ELF2: variants seen among roughly 807,000 people sequenced by gnomAD.
ELF2 encodes ETS-related transcription factor Elf-2.
Under a neutral mutation model 54.8 loss-of-function variants are expected in ELF2, and 11 were observed. The ratio of observed to expected loss-of-function variants is 0.20; its 90% CI spans 0.13 to 0.33. The LOEUF (loss-of-function observed/expected upper bound fraction) is 0.33, where lower values mean the gene tolerates loss of function less well. ELF2 is among the 10% of genes least tolerant of loss of function. The pLI, the probability that ELF2 is intolerant of heterozygous loss-of-function variation, is 1.00. For synonymous variants in ELF2, 203 were observed against 245.1 expected (o/e 0.83, Z 1.61); for missense variants, 513 against 703.0 (o/e 0.73, Z 3.06).
intron 4 of ELF2, among the ~76,000 whole-genome samples, chr4:139,111,647 G>A (rs1734959577): frequency 6.6e-6 from 1 of 152,104 alleles, no homozygotes; most frequent in Admixed American, 6.5e-5. Flanking sequence ...GTCTCGCCCA[G>A]GTCCTGGAAA....
intron 1 of ELF2, among the ~76,000 whole-genome samples, chr4:139,162,257 G>A (rs971019752): frequency 2.0e-5 from 3 of 151,272 alleles, no homozygotes; most frequent in Non-Finnish European, 2.9e-5. Context: ...GGTGGCTCAC[G>A]CCTGAAATCC....
chr4:139,172,322 T>C (rs1042062338), intron 1 of ELF2, among the ~76,000 whole-genome samples: 3 of 152,354 alleles, frequency 2.0e-5, no homozygotes, highest in Middle Eastern at 3.4e-3. Context: ...CTGAAAATGA[T>C]AAATGGAAAA....
intron 4 of ELF2, among the ~76,000 whole-genome samples, chr4:139,091,094 C>A (rs1422231447): frequency 6.6e-6 from 1 of 152,030 alleles, no homozygotes; most frequent in Non-Finnish European, 1.5e-5. Flanking sequence ...CCACCATGCC[C>A]GGCTAATTTT....
At chr4:139,115,252 G>A (rs1359298659) in intron 4 of ELF2, 2 of 1,608,640 alleles carry the variant, frequency 1.2e-6, no homozygotes, top group Admixed American at 3.4e-5. Flanking sequence ...CGCGCCGCCC[G>A]GGCCCTCTCC....
chr4:139,083,363 C>T (rs1731441364), intron 4 of ELF2, among the ~76,000 whole-genome samples: 1 of 152,114 alleles, frequency 6.6e-6, no homozygotes, highest in African/African-American at 2.4e-5. Context: ...CCATTCTCCC[C>T]CTAAAAAAAC....
At chr4:139,177,587 G>A (rs1743104997), upstream of ELF2, among the ~76,000 whole-genome samples, 1 of 152,030 alleles carries the variant, frequency 6.6e-6, no homozygotes, top group Admixed American at 6.5e-5. Flanking sequence ...CTTGCCCAGG[G>A]CTCCCCGATC....
chr4:139,128,847 C>T (rs1737209502), intron 3 of ELF2, among the ~76,000 whole-genome samples: 1 of 151,888 alleles, frequency 6.6e-6, no homozygotes, highest in South Asian at 2.1e-4. Context: ...CGACCAAATT[C>T]TATTTCAGTT....
At chr4:139,061,548 AC>A (rs1187155971) in intron 8 of ELF2, among the ~76,000 whole-genome samples, 1 of 152,202 alleles carries the variant, frequency 6.6e-6, no homozygotes, top group Non-Finnish European at 1.5e-5. Flanking sequence ...AAACTAAAAA[AC>A]AAACTAACTT....
chr4:139,071,316 T>C (rs1729481284), intron 6 of ELF2, among the ~76,000 whole-genome samples: 1 of 151,914 alleles, frequency 6.6e-6, no homozygotes, highest in South Asian at 2.1e-4. Context: ...ATATATATCA[T>C]ATATATATCA....
At chr4:139,155,883 T>G (rs1409037092) in intron 1 of ELF2, among the ~76,000 whole-genome samples, 1 of 152,146 alleles carries the variant, frequency 6.6e-6, no homozygotes, top group African/African-American at 2.4e-5. Flanking sequence ...AGACTTACTT[T>G]AGGAATAAAT....
chr4:139,104,446 T>G (rs910393760), intron 4 of ELF2, among the ~76,000 whole-genome samples: 1 of 149,022 alleles, frequency 6.7e-6, no homozygotes, highest in African/African-American at 2.5e-5. Context: ...AAAGGCGAGG[T>G]TGCCGTGAGC....
chr4:139,171,960 AAG>A (rs1387189244), intron 1 of ELF2, among the ~76,000 whole-genome samples: 8 of 152,248 alleles, frequency 5.3e-5, no homozygotes, highest in African/African-American at 1.9e-4. Flanking sequence ...ATAATTAAAA[AAG>A]AAATACAATA....
intron 7 of ELF2, among the ~76,000 whole-genome samples, chr4:139,064,737 G>A (rs1317811657): frequency 6.6e-6 from 1 of 151,832 alleles, no homozygotes; most frequent in Non-Finnish European, 1.5e-5. Flanking sequence ...AAAATTAGCC[G>A]GGCGTGGTGC....
chr4:139,136,145 T>A (rs904583321), intron 3 of ELF2, among the ~76,000 whole-genome samples: 9 of 152,128 alleles, frequency 5.9e-5, no homozygotes, highest in African/African-American at 2.2e-4. Flanking sequence ...CCCCAATCCC[T>A]AATGTCTTCG....
At chr4:139,069,039 T>C (rs1729139695) in intron 6 of ELF2, among the ~76,000 whole-genome samples, 1 of 152,062 alleles carries the variant, frequency 6.6e-6, no homozygotes, top group African/African-American at 2.4e-5. Flanking sequence ...CCAGCTAATT[T>C]TTGTATTTTT....
chr4:139,120,281 T>C lies in ELF2; in HGVS notation c.238+4883A>G, dbSNP rs117969629. Among the ~76,000 whole-genome samples the C allele has an allele frequency of 2.7e-4, 41 of 152,270 alleles. No individual in the cohort carries two copies. The East Asian group carries it at 7.1e-3, about 26-fold the overall frequency. ...CTTATATGTCATGTAAGATAATATA[T>C]AGTAATATGGTTTATACAAGCCCTT... On this transcript the variant is annotated intron_variant, in intron 4 of 9. Transcript: ENST00000686138.
At chr4:139,095,672 C>T (rs1733192121) in intron 4 of ELF2, among the ~76,000 whole-genome samples, 1 of 152,114 alleles carries the variant, frequency 6.6e-6, no homozygotes, top group Admixed American at 6.5e-5. Context: ...CCATCTTTGC[C>T]TTCCTATTAT....
intron 4 of ELF2, among the ~76,000 whole-genome samples, chr4:139,094,349 C>G (rs931031464): frequency 1.3e-5 from 2 of 152,170 alleles, no homozygotes; most frequent in South Asian, 4.1e-4. Context: ...CACAGCAGAG[C>G]CACATAACCA....
intron 4 of ELF2, among the ~76,000 whole-genome samples, chr4:139,114,634 T>TTTC (rs1553963907): frequency 2.8e-5 from 2 of 70,322 alleles, no homozygotes; most frequent in East Asian, 3.6e-4. Flanking sequence ...TGGATTTTTT[T>TTTC]TTTCTTTCTT....
Sources: gnomAD v4.1 joint callset for allele counts (sites outside exome capture counted in the v4.1 genomes callset) on GRCh38, gnomAD v4.1.1 for gene constraint, MANE v1.5 for transcripts, NCBI Gene and HGNC (gene_info 2026-07-23, HGNC 2026-07-21) for gene names.